TG: variants seen among roughly 807,000 people sequenced by gnomAD.
TG encodes the protein thyroglobulin, also known as thyroid hormones.
TG carries 270 observed loss-of-function variants against 324.7 expected under a neutral mutation model. That is an observed-to-expected ratio of 0.83 (90% CI 0.75 to 0.92). TG has a LOEUF of 0.92. TG is among the 40% of genes least tolerant of loss of function. TG has a pLI of 0.00. For synonymous variants in TG, 1,401 were observed against 1,327.0 expected, an observed-to-expected ratio of 1.06 and a Z score of -1.21; for missense variants, 3,591 against 3,456.4, an observed-to-expected ratio of 1.04 and a Z score of -0.98.
intron 41 of TG, among the ~76,000 whole-genome samples, chr8:133,077,735 ATGTGTGTGTG>A (rs34749093): frequency 2.7e-5 from 4 of 148,060 alleles, no homozygotes; most frequent in Non-Finnish European, 6.0e-5. Flanking sequence ...TCTGGTGTGT[ATGTGTGTGTG>A]TGTGTGTGTG....
intron 45 of TG, among the ~76,000 whole-genome samples, chr8:133,129,866 C>T (rs1421716952): frequency 1.3e-5 from 2 of 152,238 alleles, no homozygotes; most frequent in East Asian, 3.9e-4. Context: ...AAGAGAGATC[C>T]ACCTATACAC....
At chr8:133,023,676 C>T (rs1318734592) in intron 40 of TG, among the ~76,000 whole-genome samples, 1 of 152,178 alleles carries the variant, frequency 6.6e-6, no homozygotes, top group Non-Finnish European at 1.5e-5. Context: ...GACATCAGGA[C>T]TCGCCCCAAG....
chr8:132,871,950 A>G (rs1839517239), intron 4 of TG, among the ~76,000 whole-genome samples: 1 of 152,194 alleles, frequency 6.6e-6, no homozygotes, highest in African/African-American at 2.4e-5. Flanking sequence ...CCTATTTCCT[A>G]GTGATGTAAT....
chr8:133,054,523 ATGCAT>A (rs1840994310), intron 41 of TG, among the ~76,000 whole-genome samples: 1 of 152,210 alleles, frequency 6.6e-6, no homozygotes, highest in African/African-American at 2.4e-5. Context: ...AGGATTCAGG[ATGCAT>A]TGCATTTTAG....
intron 35 of TG, among the ~76,000 whole-genome samples, chr8:132,999,345 T>C (rs542885133): frequency 6.6e-6 from 1 of 152,286 alleles, no homozygotes; most frequent in African/African-American, 2.4e-5. Context: ...TCTATTCTTC[T>C]CATTATTTTG....
At chr8:132,898,982 T>C in intron 14 of TG, 72 bp downstream of exon 14, 2 of 1,295,788 alleles carry the variant, frequency 1.5e-6, no homozygotes, top group Non-Finnish European at 2.2e-6. Context: ...TTCTTTTTGT[T>C]CAATACGTTC....
chr8:132,880,695 A>G (rs1046725381), intron 5 of TG, among the ~76,000 whole-genome samples: 2 of 152,240 alleles, frequency 1.3e-5, no homozygotes, highest in African/African-American at 4.8e-5. Flanking sequence ...CCAGGCTCTC[A>G]GCAATTACTA....
intron 41 of TG, among the ~76,000 whole-genome samples, chr8:133,092,657 C>T (rs1179214135): frequency 6.6e-6 from 1 of 152,208 alleles, no homozygotes; most frequent in Non-Finnish European, 1.5e-5. Context: ...CCCAAGCCCA[C>T]TTCATCAGGG....
chr8:133,047,999 G>A (rs888711478), intron 41 of TG: 13 of 913,928 alleles, frequency 1.4e-5, no homozygotes, highest in Admixed American at 9.5e-5. Flanking sequence ...GCAGGAATGC[G>A]CCACCCACCG....
Position 132,913,266 on chromosome 8 carries a change from G to A in TG, c.4378+1G>A, listed in dbSNP as rs553095831. Reference sequence around the variant, plus strand: ...GCCAGTCAGGACGGACTGGGATGCGGTAGGTCCACTCTCTCCCTGGATATC... The same window carrying A: ...GCCAGTCAGGACGGACTGGGATGCGATAGGTCCACTCTCTCCCTGGATATC... On this transcript the variant is annotated splice_donor_variant, in intron 20 of 47. Transcript: ENST00000220616. LOFTEE classifies it high-confidence loss of function. The A allele has an allele frequency of 1.9e-6, 3 of 1,613,830 alleles. No individual in the cohort carries two copies. Among genetic ancestry groups the A allele is most frequent in the South Asian group, 1.1e-5 (1 of 91,066 alleles).
rs1399287084 is a variant in TG, at chr8:133,112,671, C to T, written c.7573-751C>T. 3.9e-5 allele frequency among the ~76,000 whole-genome samples: 6 copies of T among 152,222 alleles called. No individual in the cohort carries two copies. The East Asian group carries it at 1.2e-3, about 29-fold the overall frequency. On this transcript the variant is annotated intron_variant, in intron 43 of 47. Transcript: ENST00000220616. Reference sequence around the variant, plus strand: ...GAAAAGAAAATAGAAAAAGTTGCGCCCATCTGGACACACATCCCCCAGAGA... The same window carrying T: ...GAAAAGAAAATAGAAAAAGTTGCGCTCATCTGGACACACATCCCCCAGAGA...
chr8:133,051,908 G>A (rs1015633545), intron 41 of TG, among the ~76,000 whole-genome samples: 2 of 152,096 alleles, frequency 1.3e-5, no homozygotes, highest in Non-Finnish European at 2.9e-5. Flanking sequence ...TTATTCATTC[G>A]GCAACTACTT....
intron 44 of TG, 68 bp from the exon 45 acceptor site, chr8:133,116,541 C>A: frequency 2.0e-6 from 3 of 1,471,090 alleles, no homozygotes; most frequent in Non-Finnish European, 2.9e-6. Context: ...TGGGAGAAGC[C>A]CTTTCCAGGC....
At chr8:132,915,722 A>C (rs963149580) in intron 20 of TG, among the ~76,000 whole-genome samples, 3 of 152,204 alleles carry the variant, frequency 2.0e-5, no homozygotes, top group Non-Finnish European at 4.4e-5. Flanking sequence ...GTGTTCTAAT[A>C]AAACTTTATT....
rs756310564 is a variant in TG at position 132,893,838 on chromosome 8, C to T, written c.2910C>T (p.Leu970=). Residue 970 remains leucine (L), a synonymous_variant, in exon 11 of 48, where the codon CTC becomes CTT. Coordinates refer to ENST00000220616, the MANE Select transcript of TG (RefSeq NM_003235.5). ...AKGIRLRNED[L]GLPPLFPPRE... ...GAATCCGGCTGAGGAATGAGGACCT[C>T]GGCCTTCCTCCGCTCTTCCCGCCCC... 9 of 1,613,852 alleles carry T rather than the reference C, an allele frequency of 5.6e-6. No individual in the cohort carries two copies. The Admixed American group carries it at 6.7e-5, about 12-fold the overall frequency.
At chr8:133,056,443 T>C (rs1331992415) in intron 41 of TG, among the ~76,000 whole-genome samples, 7 of 152,182 alleles carry the variant, frequency 4.6e-5, no homozygotes, top group Admixed American at 2.0e-4. Context: ...GCCAGGCACA[T>C]TCTCATTCAT....
At chr8:133,079,091 C>T (rs1401724416) in intron 41 of TG, among the ~76,000 whole-genome samples, 2 of 152,122 alleles carry the variant, frequency 1.3e-5, no homozygotes, top group Admixed American at 1.3e-4. Flanking sequence ...TGAGTCAGCA[C>T]AAGAAGCAAA....
intron 26 of TG, among the ~76,000 whole-genome samples, chr8:132,946,837 G>T (rs557717959): frequency 6.6e-6 from 1 of 152,236 alleles, no homozygotes; most frequent in South Asian, 2.1e-4. Flanking sequence ...CCTCTCCCTG[G>T]CCCCTACCTC....
intron 27 of TG, among the ~76,000 whole-genome samples, chr8:132,954,610 C>T (rs758027139): frequency 1.3e-5 from 2 of 152,232 alleles, no homozygotes; most frequent in Non-Finnish European, 2.9e-5. Context: ...AGGACAGCAG[C>T]TCCCAACCCT....
Sources: gnomAD v4.1 joint callset for allele counts (sites outside exome capture counted in the v4.1 genomes callset) on GRCh38, gnomAD v4.1.1 for gene constraint, MANE v1.5 for transcripts, NCBI Gene and HGNC (gene_info 2026-07-23, HGNC 2026-07-21) for gene names.